Variants in ZNF33A observed in about 807,000 individuals in gnomAD.
ZNF33A encodes zinc finger protein 33A.
ZNF33A carries 9 observed loss-of-function variants against 15.9 expected under a neutral mutation model. The ratio of observed to expected loss-of-function variants is 0.57; its 90% CI spans 0.34 to 0.99. The LOEUF (loss-of-function observed/expected upper bound fraction) is 0.99. ZNF33A is among the 50% of genes least tolerant of loss of function. ZNF33A has a pLI of 0.02. For synonymous variants in ZNF33A, 294 were observed against 324.2 expected, an observed-to-expected ratio of 0.91 and a Z score of 1.00; for missense variants, 843 against 941.6, an observed-to-expected ratio of 0.90 and a Z score of 1.37.
chr10:38,012,559 G>C (rs77733567), intron 2 of ZNF33A, among the ~76,000 whole-genome samples: 22,278 of 150,552 alleles, frequency 0.15, 1,746 homozygotes, highest in East Asian at 0.3. Flanking sequence ...AGCCCCCCGA[G>C]TAGCTGGGAC....
intron 4 of ZNF33A, among the ~76,000 whole-genome samples, chr10:38,039,110 T>C (rs1271381840): frequency 6.6e-6 from 1 of 152,164 alleles, no homozygotes; most frequent in African/African-American, 2.4e-5. Context: ...TCTTCTTATT[T>C]TCTTGGAGTT....
In ZNF33A at chr10:38,054,830, A is replaced by G; in HGVS notation, c.706A>G (p.Thr236Ala). The G allele has an allele frequency of 1.2e-6, 2 of 1,613,568 alleles. No homozygotes were observed. The highest frequency in any genetic ancestry group is 1.3e-5 in the African/African-American group (1 of 75,050). ...CCTCCTTGAAAAGGCAGTATTCAAT[A>G]CACAGAAGAGAGAGAACGCAGAAGA... ...ETLLEKAVFN[T>A]QKRENAEENN... is the part of the protein sequence containing the mutation. Residue 236 changes from threonine (T) to alanine (A), a missense_variant, in exon 5 of 5, where the codon ACA becomes GCA. Coordinates refer to ENST00000432900, the MANE Select transcript of ZNF33A (RefSeq NM_006954.2).
intron 2 of ZNF33A, chr10:38,015,962 C>T: frequency 8.1e-7 from 1 of 1,230,578 alleles, no homozygotes. Context: ...CTCCCATTTT[C>T]ACAGCAGTGA....
intron 4 of ZNF33A, among the ~76,000 whole-genome samples, chr10:38,025,503 C>G (rs569193086): frequency 6.6e-6 from 1 of 152,318 alleles, no homozygotes; most frequent in South Asian, 2.1e-4. Flanking sequence ...GCTCACTCAC[C>G]ATGTGCATAG....
chr10:38,036,351 C>T (rs778000342), intron 4 of ZNF33A, among the ~76,000 whole-genome samples: 6 of 151,928 alleles, frequency 3.9e-5, no homozygotes, highest in East Asian at 1.9e-4. Flanking sequence ...GCAGGAGAAT[C>T]GCTTAGAACC....
chr10:38,031,007 A>T (rs1041432868), intron 4 of ZNF33A, among the ~76,000 whole-genome samples: 1 of 152,154 alleles, frequency 6.6e-6, no homozygotes, highest in East Asian at 1.9e-4. Flanking sequence ...TGTAGTTACC[A>T]TGTGTGGCAT....
chr10:38,047,377 C>A (rs1043402369), intron 4 of ZNF33A, among the ~76,000 whole-genome samples: 1 of 151,654 alleles, frequency 6.6e-6, no homozygotes, highest in East Asian at 1.9e-4. Flanking sequence ...CCCCTGTAAT[C>A]CCAGCACTTT....
At position 38,055,415 on chromosome 10, in the gene ZNF33A, C is replaced by T. The variant is rs778747790; in HGVS notation, c.1291C>T (p.His431Tyr). Residue 431 changes from histidine to tyrosine, a missense_variant, in exon 5 of 5, where the codon CAT becomes TAT. By Grantham distance (83) the His-to-Tyr change is moderately conservative. Coordinates refer to ENST00000432900, the MANE Select transcript of ZNF33A (RefSeq NM_006954.2). Reference sequence around the variant, plus strand: ...TTGCCAGAAATCTGACCTCACTAAACATCAGAGAACACACACAGGGCTGAA... The same window carrying T: ...TTGCCAGAAATCTGACCTCACTAAATATCAGAGAACACACACAGGGCTGAA... ...TFCQKSDLTK[H>Y]QRTHTGLKPY... The T allele has an allele frequency of 4.3e-6, 7 of 1,614,074 alleles. 1 individual carries two copies. In the South Asian group the frequency reaches 6.6e-5, roughly 15 times the overall value.
In ZNF33A at chr10:38,056,878, CAAT is replaced by C; in HGVS notation, c.*322_*324del. On this transcript the variant is annotated 3_prime_UTR_variant, in exon 5 of 5. Coordinates refer to ENST00000432900, the MANE Select transcript of ZNF33A (RefSeq NM_006954.2). ...CCATAATAGTTTTTAGGGCACCTAA[CAAT>C]AATTTATAGATGTATATTGTGGAAT... 9.8e-7 allele frequency: 1 copy of C among 1,019,096 alleles called. No homozygotes were observed. Among genetic ancestry groups the C allele is most frequent in the Non-Finnish European group, 1.2e-6 (1 of 845,412 alleles). 63.1% of individuals were successfully genotyped at this position (1,019,096 alleles called of 1,614,324 possible).
intron 4 of ZNF33A, among the ~76,000 whole-genome samples, chr10:38,029,992 G>A (rs1314535001): frequency 3.3e-5 from 5 of 152,160 alleles, no homozygotes; most frequent in African/African-American, 1.2e-4. Context: ...CATCCAAGAA[G>A]CTCAACAAAC....
chr10:38,042,520 TTTG>T (rs904516996), intron 4 of ZNF33A, among the ~76,000 whole-genome samples: 2 of 137,144 alleles, frequency 1.5e-5, no homozygotes, highest in African/African-American at 5.4e-5. Context: ...TTTTTTTTGC[TTTG>T]TTATTTGTTT....
At chr10:38,044,945 G>T (rs1590650405) in intron 4 of ZNF33A, among the ~76,000 whole-genome samples, 2 of 152,310 alleles carry the variant, frequency 1.3e-5, no homozygotes, top group South Asian at 4.1e-4. Context: ...TGGGATTACA[G>T]GCGTGAGCCA....
chr10:38,011,161 T>C (rs2064164587), intron 1 of ZNF33A, among the ~76,000 whole-genome samples: 1 of 152,218 alleles, frequency 6.6e-6, no homozygotes, highest in African/African-American at 2.4e-5. Context: ...ACCGGCAGAC[T>C]CGGTTGCACG....
intron 4 of ZNF33A, chr10:38,017,661 G>T: frequency 1.3e-5 from 3 of 239,474 alleles, no homozygotes; most frequent in Non-Finnish European, 1.6e-5. Flanking sequence ...TGTTTTTCTT[G>T]GTTATCATTT....
chr10:38,048,527 C>T (rs1286728699), intron 4 of ZNF33A, among the ~76,000 whole-genome samples: 1 of 152,052 alleles, frequency 6.6e-6, no homozygotes, highest in Non-Finnish European at 1.5e-5. Context: ...AAAATAAGAT[C>T]CAGTCATGCT....
At chr10:38,010,920 A>G in intron 1 of ZNF33A, 137 bp downstream of exon 1, 1 of 1,045,928 alleles carries the variant, frequency 9.6e-7, no homozygotes, top group Non-Finnish European at 1.4e-6. Context: ...GCGGGGCTGC[A>G]GCGTGTGGGC....
chr10:38,056,283 C>A lies in ZNF33A; in HGVS notation c.2159C>A (p.Ser720Tyr). ...VHHRAHTGEK[S>Y]CQCNECGKIF... is the part of the protein sequence containing the mutation. ...CACAGGGCTCACACAGGAGAGAAAT[C>A]TTGTCAATGTAATGAATGTGGAAAA... The change falls in exon 5 of 5, where the codon TCT becomes TAT. Residue 720 changes from serine to tyrosine, a missense_variant. Transcript: ENST00000432900. 6.2e-7 allele frequency: 1 copy of A among 1,614,100 alleles called. No homozygotes were observed.
At chr10:38,063,783 C>A (rs1464456271), downstream of ZNF33A, among the ~76,000 whole-genome samples, 5 of 152,202 alleles carry the variant, frequency 3.3e-5, no homozygotes, top group African/African-American at 1.2e-4. Flanking sequence ...CCTGTGAACT[C>A]ACCAAAGGGA....
chr10:38,036,822 G>T (rs1341669023), intron 4 of ZNF33A, among the ~76,000 whole-genome samples: 1 of 152,198 alleles, frequency 6.6e-6, no homozygotes, highest in Non-Finnish European at 1.5e-5. Flanking sequence ...GATTGCCTAA[G>T]GAGAAAATTC....
Sources: gnomAD v4.1 joint callset for allele counts (sites outside exome capture counted in the v4.1 genomes callset) on GRCh38, gnomAD v4.1.1 for gene constraint, MANE v1.5 for transcripts, NCBI Gene and HGNC (gene_info 2026-07-23, HGNC 2026-07-21) for gene names.